RHBDD1: variants seen among roughly 807,000 people sequenced by gnomAD.
RHBDD1 encodes the protein rhomboid domain containing 1.
A neutral mutation model predicts 36.3 loss-of-function variants in RHBDD1; 38 were observed. The ratio of observed to expected loss-of-function variants is 1.05; its 90% CI spans 0.81 to 1.37. The LOEUF is 1.37. RHBDD1 is among the 40% of genes most tolerant of loss of function. The pLI is 0.00. For synonymous variants in RHBDD1, 151 were observed against 136.5 expected (o/e 1.11, Z -0.74); for missense variants, 393 against 377.6 (o/e 1.04, Z -0.34).
At chr2:226,928,678 A>G (rs1298675806) in intron 8 of RHBDD1, among the ~76,000 whole-genome samples, 3 of 151,936 alleles carry the variant, frequency 2.0e-5, no homozygotes, top group Non-Finnish European at 4.4e-5. Flanking sequence ...CAGAAATTGC[A>G]ACAACAACAA....
intron 8 of RHBDD1, among the ~76,000 whole-genome samples, chr2:226,986,620 A>C (rs1187450309): frequency 6.6e-6 from 1 of 152,236 alleles, no homozygotes; most frequent in East Asian, 1.9e-4. Context: ...GCAAATCAAA[A>C]CCACAATGAG....
At chr2:226,988,569 C>G in intron 8 of RHBDD1, 1 of 1,389,414 alleles carries the variant, frequency 7.2e-7, no homozygotes, top group East Asian at 2.8e-5. Flanking sequence ...GGTGTGGAAT[C>G]TGCATCAGAA....
intron 5 of RHBDD1, among the ~76,000 whole-genome samples, chr2:226,891,702 C>T (rs564554814): frequency 6.6e-6 from 1 of 152,296 alleles, no homozygotes; most frequent in South Asian, 2.1e-4. Context: ...TGTACCCAAC[C>T]AATAGAATTC....
At chr2:226,858,378 A>G (rs1943530639) in intron 3 of RHBDD1, among the ~76,000 whole-genome samples, 1 of 152,196 alleles carries the variant, frequency 6.6e-6, no homozygotes, top group Admixed American at 6.5e-5. Context: ...TTATACTTTT[A>G]GTAATATGGA....
intron 3 of RHBDD1, among the ~76,000 whole-genome samples, chr2:226,844,371 G>C (rs958693541): frequency 2.6e-5 from 4 of 151,634 alleles, no homozygotes; most frequent in Admixed American, 2.6e-4. Flanking sequence ...ATGCTATGCA[G>C]GCAAAAAGCC....
At chr2:226,806,144 GA>G in the RHBDD1 span, among the ~76,000 whole-genome samples, 964 of 148,092 alleles carry the variant, frequency 6.5e-3, 11 homozygotes, top group African/African-American at 0.021. Context: ...TTTTAAGAAA[GA>G]AAAAAAAAAC....
At chr2:226,845,767 T>G (rs1458385673) in intron 3 of RHBDD1, among the ~76,000 whole-genome samples, 1 of 152,228 alleles carries the variant, frequency 6.6e-6, no homozygotes, top group Non-Finnish European at 1.5e-5. Context: ...TGCTTTTCAT[T>G]TAACAAAGCT....
the RHBDD1 span, among the ~76,000 whole-genome samples, chr2:226,819,997 T>TC: frequency 1.0e-5 from 1 of 98,756 alleles, no homozygotes; most frequent in African/African-American, 3.6e-5. Flanking sequence ...TTTTTTTTTT[T>TC]CTGAAAAAAA....
intron 8 of RHBDD1, among the ~76,000 whole-genome samples, chr2:226,972,720 A>T (rs559011545): frequency 6.6e-6 from 1 of 152,218 alleles, no homozygotes; most frequent in African/African-American, 2.4e-5. Context: ...AACGGCACAG[A>T]CTGGTCTCTC....
intron 8 of RHBDD1, among the ~76,000 whole-genome samples, chr2:226,939,556 A>G (rs1178680162): frequency 6.6e-6 from 1 of 152,296 alleles, no homozygotes; most frequent in East Asian, 1.9e-4. Context: ...TACAGCTAAC[A>G]AGGGAAGTGA....
chr2:226,951,813 A>G (rs1235210312), intron 8 of RHBDD1, among the ~76,000 whole-genome samples: 1 of 152,268 alleles, frequency 6.6e-6, no homozygotes, highest in African/African-American at 2.4e-5. Flanking sequence ...GTGATTTCTG[A>G]ACAAAAGAGA....
chr2:226,889,734 A>G (rs1946533071), intron 5 of RHBDD1, among the ~76,000 whole-genome samples: 1 of 152,206 alleles, frequency 6.6e-6, no homozygotes, highest in Non-Finnish European at 1.5e-5. Flanking sequence ...TTCCAGACAT[A>G]TAGATGCCGA....
At chr2:226,953,537 C>T (rs568360219) in intron 8 of RHBDD1, among the ~76,000 whole-genome samples, 36 of 152,288 alleles carry the variant, frequency 2.4e-4, no homozygotes, top group African/African-American at 8.7e-4. Flanking sequence ...TGGGCTTATC[C>T]TGGAATCTAT....
At chr2:226,903,806 T>C (rs1344997894) in intron 5 of RHBDD1, among the ~76,000 whole-genome samples, 1 of 152,102 alleles carries the variant, frequency 6.6e-6, no homozygotes, top group Non-Finnish European at 1.5e-5. Flanking sequence ...TGTATCCATA[T>C]AAACCTGAGA....
intron 8 of RHBDD1, among the ~76,000 whole-genome samples, chr2:226,927,695 T>C (rs1949758474): frequency 1.3e-5 from 2 of 152,120 alleles, no homozygotes; most frequent in African/African-American, 4.8e-5. Flanking sequence ...GCAGTTTTCA[T>C]TTATATTTCT....
chr2:226,952,694 G>A (rs1024475235), intron 8 of RHBDD1, among the ~76,000 whole-genome samples: 1 of 152,154 alleles, frequency 6.6e-6, no homozygotes, highest in African/African-American at 2.4e-5. Context: ...CCTATATTGT[G>A]CCAGGTATGA....
At chr2:226,817,453 G>T in the RHBDD1 span, among the ~76,000 whole-genome samples, 4 of 152,156 alleles carry the variant, frequency 2.6e-5, no homozygotes, top group African/African-American at 9.7e-5. Context: ...ACTCAGCAGG[G>T]AACCAAGAGG....
chr2:226,966,934 C>T (rs1055004781), intron 8 of RHBDD1, among the ~76,000 whole-genome samples: 3 of 151,876 alleles, frequency 2.0e-5, no homozygotes, highest in Non-Finnish European at 2.9e-5. Flanking sequence ...GTGTGAGACC[C>T]GGGATTATGT....
At chr2:226,969,660 A>G (rs578213377) in intron 8 of RHBDD1, among the ~76,000 whole-genome samples, 1 of 152,278 alleles carries the variant, frequency 6.6e-6, no homozygotes, top group South Asian at 2.1e-4. Flanking sequence ...TACAAACCAA[A>G]CAAATCTCCC....
Sources: allele counts gnomAD v4.1 joint callset (sites outside exome capture counted in the v4.1 genomes callset), GRCh38; gene constraint gnomAD v4.1.1; transcripts MANE v1.5; gene names NCBI Gene and HGNC (gene_info 2026-07-23, HGNC 2026-07-21).